Variants in GLCCI1 observed in about 807,000 individuals in gnomAD.
The protein encoded by GLCCI1 is glucocorticoid induced 1, also known as glucocorticoid-induced transcript 1 protein.
A neutral mutation model predicts 52.2 loss-of-function variants in GLCCI1; 24 were observed. That is an observed-to-expected ratio of 0.46 (90% CI 0.33 to 0.65). The LOEUF is 0.65. Ranked by LOEUF, GLCCI1 falls within the 30% of genes least tolerant of loss-of-function variation. The probability of loss-of-function intolerance (pLI) is 0.02; values close to 1 mark genes in which losing one functional copy is unlikely to be tolerated. For missense variants in GLCCI1, 704 were observed against 701.5 expected (o/e 1.00, Z -0.04); for synonymous variants, 310 against 276.5 (o/e 1.12, Z -1.20).
chr7:8,063,631 T>C (rs1176112323), intron 5 of GLCCI1, among the ~76,000 whole-genome samples: 1 of 149,104 alleles, frequency 6.7e-6, no homozygotes, highest in Non-Finnish European at 1.5e-5. Flanking sequence ...TTTTTTTTTT[T>C]TTTTTGAGAC....
At chr7:8,058,277 T>A (rs1047614207) in intron 4 of GLCCI1, among the ~76,000 whole-genome samples, 15 of 152,180 alleles carry the variant, frequency 9.9e-5, no homozygotes, top group African/African-American at 3.6e-4. Flanking sequence ...ATGGGAAGTC[T>A]TAACACATTA....
At chr7:8,082,631 C>A (rs899479196) in intron 6 of GLCCI1, among the ~76,000 whole-genome samples, 1 of 152,034 alleles carries the variant, frequency 6.6e-6, no homozygotes, top group Admixed American at 6.6e-5. Flanking sequence ...AAGATATAAA[C>A]CCTGCCTGTC....
Position 8,065,903 on chromosome 7 carries a change from TGTTATCCTTATAGAATTAGTTAAG to T in GLCCI1, c.967-5016_967-4993del, listed in dbSNP as rs552838901. 2.2e-4 allele frequency among the ~76,000 whole-genome samples: 34 copies of T among 152,334 alleles called. No homozygotes were observed. The South Asian group carries it at 5.0e-3, about 22-fold the overall frequency. ...CTGCCAAGTTTTAGTATCAGGATGATGTTATCCTTATAGAATTAGTTAAGGAGAAGTCCCTCCCCCTCAATTTTT... is the reference window on the plus strand; with the variant it reads ...CTGCCAAGTTTTAGTATCAGGATGATGAGAAGTCCCTCCCCCTCAATTTTT... On this transcript the variant is annotated intron_variant, in intron 5 of 7. Coordinates refer to ENST00000223145, the MANE Select transcript of GLCCI1 (RefSeq NM_138426.4).
At chr7:8,043,084 G>A (rs939285760) in intron 3 of GLCCI1, among the ~76,000 whole-genome samples, 2 of 152,218 alleles carry the variant, frequency 1.3e-5, no homozygotes, top group Admixed American at 6.5e-5. Flanking sequence ...ACTTGCTGAA[G>A]ACTCAGATGA....
At chr7:8,023,588 CTTTTTTT>C (rs571726894) in intron 3 of GLCCI1, among the ~76,000 whole-genome samples, 3,404 of 41,660 alleles carry the variant, frequency 0.082, 58 homozygotes, top group East Asian at 0.24. Flanking sequence ...CTCTGTTATT[CTTTTTTT>C]TTTTTTTTTT....
At chr7:8,045,010 C>G (rs1782089776) in intron 3 of GLCCI1, among the ~76,000 whole-genome samples, 1 of 152,072 alleles carries the variant, frequency 6.6e-6, no homozygotes, top group Non-Finnish European at 1.5e-5. Context: ...TTACCGTAGG[C>G]TAATGGACAG....
At chr7:7,998,889 G>A (rs914775701) in intron 1 of GLCCI1, among the ~76,000 whole-genome samples, 7 of 151,988 alleles carry the variant, frequency 4.6e-5, no homozygotes, top group African/African-American at 1.7e-4. Context: ...ATAGGTTGTT[G>A]CCCCCCAAAA....
At chr7:8,003,112 G>C (rs920785283) in intron 1 of GLCCI1, among the ~76,000 whole-genome samples, 1 of 152,114 alleles carries the variant, frequency 6.6e-6, no homozygotes, top group African/African-American at 2.4e-5. Flanking sequence ...ATTGAATGTT[G>C]GTTCCTATTT....
intron 5 of GLCCI1, among the ~76,000 whole-genome samples, chr7:8,068,045 T>C (rs1394647519): frequency 1.3e-5 from 2 of 152,132 alleles, no homozygotes; most frequent in Non-Finnish European, 2.9e-5. Flanking sequence ...GTTCATTCTT[T>C]TTTATTCTTT....
At chr7:8,021,212 A>C (rs937627078) in intron 2 of GLCCI1, among the ~76,000 whole-genome samples, 1 of 152,218 alleles carries the variant, frequency 6.6e-6, no homozygotes, top group African/African-American at 2.4e-5. Flanking sequence ...TGACTTCTTC[A>C]TAAGAACTTA....
intron 1 of GLCCI1, among the ~76,000 whole-genome samples, chr7:7,996,578 CCTT>C (rs1780942300): frequency 6.6e-6 from 1 of 152,180 alleles, no homozygotes; most frequent in Non-Finnish European, 1.5e-5. Context: ...CTGAAGGCCT[CCTT>C]CTAAATGTCT....
chr7:8,035,337 G>T (rs1482411705), intron 3 of GLCCI1, among the ~76,000 whole-genome samples: 2 of 152,198 alleles, frequency 1.3e-5, no homozygotes, highest in African/African-American at 4.8e-5. Flanking sequence ...GCAGCCAGGT[G>T]GCCTCAGTGC....
chr7:8,004,278 A>T, intron 2 of GLCCI1: 2 of 455,106 alleles, frequency 4.4e-6, no homozygotes, highest in Non-Finnish European at 7.9e-6. Flanking sequence ...ATAGCACATC[A>T]GTCTATATTA....
chr7:8,005,004 G>A (rs901297555), intron 2 of GLCCI1, among the ~76,000 whole-genome samples: 4 of 152,152 alleles, frequency 2.6e-5, no homozygotes, highest in African/African-American at 9.7e-5. Context: ...TTTATCATCT[G>A]TCTCATCAGT....
chr7:8,049,907 G>T (rs1431803970), intron 3 of GLCCI1, among the ~76,000 whole-genome samples: 5 of 152,186 alleles, frequency 3.3e-5, no homozygotes, highest in African/African-American at 1.2e-4. Context: ...GTATAAATTT[G>T]AGGCATCAGA....
chr7:8,004,844 GC>G (rs1240733027), intron 2 of GLCCI1, among the ~76,000 whole-genome samples: 1 of 152,160 alleles, frequency 6.6e-6, no homozygotes, highest in Non-Finnish European at 1.5e-5. Flanking sequence ...AACATTTTGG[GC>G]TTTGTAGGTT....
At chr7:8,085,848 T>G (rs1055111006) in intron 7 of GLCCI1, among the ~76,000 whole-genome samples, 1 of 152,230 alleles carries the variant, frequency 6.6e-6, no homozygotes, top group Non-Finnish European at 1.5e-5. Context: ...TCTGGTATAC[T>G]TTTTCTTAAC....
intron 4 of GLCCI1, among the ~76,000 whole-genome samples, chr7:8,056,402 A>G (rs557175038): frequency 6.6e-6 from 1 of 152,308 alleles, no homozygotes; most frequent in East Asian, 1.9e-4. Context: ...TTGAGCAACT[A>G]TGCACATTAT....
chr7:8,026,543 G>A (rs1395896533), intron 3 of GLCCI1, among the ~76,000 whole-genome samples: 1 of 152,258 alleles, frequency 6.6e-6, no homozygotes, highest in Non-Finnish European at 1.5e-5. Flanking sequence ...AGGAGAGAGA[G>A]TCTTGAATTG....
Sources: gnomAD v4.1 joint callset for allele counts (sites outside exome capture counted in the v4.1 genomes callset) on GRCh38, gnomAD v4.1.1 for gene constraint, MANE v1.5 for transcripts, NCBI Gene and HGNC (gene_info 2026-07-23, HGNC 2026-07-21) for gene names.